The following DNAI4 variants were observed in gnomAD, a reference collection of about 807,000 sequenced individuals.
DNAI4 encodes the protein WD repeat domain 78.
Under a neutral mutation model 105.8 loss-of-function variants are expected in DNAI4, and 85 were observed. The ratio of observed to expected loss-of-function variants is 0.80; its 90% CI spans 0.67 to 0.96. The LOEUF (loss-of-function observed/expected upper bound fraction) is 0.96. Among genes scored for constraint, DNAI4 ranks in the 40% least tolerant of loss-of-function variants. DNAI4 has a pLI of 0.00. For missense variants in DNAI4, 1,014 were observed against 1,005.6 expected (o/e 1.01, Z -0.11); for synonymous variants, 352 against 331.5 (o/e 1.06, Z -0.67).
intron 2 of DNAI4, among the ~76,000 whole-genome samples, chr1:66,901,767 AG>A (rs1557974403): frequency 2.0e-5 from 3 of 152,160 alleles, no homozygotes; most frequent in Non-Finnish European, 4.4e-5. Flanking sequence ...CAAGGTTTGG[AG>A]GAATCACGAT....
At chr1:66,896,675 A>G (rs568681620) in intron 2 of DNAI4, among the ~76,000 whole-genome samples, 5 of 152,234 alleles carry the variant, frequency 3.3e-5, no homozygotes, top group Non-Finnish European at 5.9e-5. Context: ...CAGTTTCCCT[A>G]TCTCTCATAA....
At chr1:66,823,901 C>T (rs1240786789) in intron 15 of DNAI4, among the ~76,000 whole-genome samples, 1 of 150,398 alleles carries the variant, frequency 6.6e-6, no homozygotes, top group African/African-American at 2.4e-5. Context: ...TGTGCAGAAG[C>T]TCTTTAGTTT....
chr1:66,881,225 G>T (rs1213032246), intron 4 of DNAI4, among the ~76,000 whole-genome samples: 3 of 152,250 alleles, frequency 2.0e-5, no homozygotes, highest in Non-Finnish European at 4.4e-5. Flanking sequence ...CCCCCACACA[G>T]AGTCCCTACT....
intron 16 of DNAI4, among the ~76,000 whole-genome samples, chr1:66,821,584 T>G (rs6588221): frequency 0.38 from 58,190 of 152,028 alleles, 11,892 homozygotes; most frequent in South Asian, 0.5. Flanking sequence ...GCTATTAGAA[T>G]TTAATAATAT....
chr1:66,903,553 C>T (rs930691205), intron 2 of DNAI4, among the ~76,000 whole-genome samples: 3 of 152,092 alleles, frequency 2.0e-5, no homozygotes, highest in East Asian at 3.9e-4. Context: ...AGTACAATGG[C>T]GCTCTCTCTG....
intron 7 of DNAI4, among the ~76,000 whole-genome samples, chr1:66,852,269 A>T (rs1198801910): frequency 1.3e-5 from 2 of 151,918 alleles, no homozygotes; most frequent in Non-Finnish European, 2.9e-5. Flanking sequence ...ATCACCAAGC[A>T]TGGATGGTTT....
At chr1:66,850,892 GT>G (rs986701699) in intron 7 of DNAI4, among the ~76,000 whole-genome samples, 6 of 151,806 alleles carry the variant, frequency 4.0e-5, no homozygotes, top group Non-Finnish European at 7.4e-5. Context: ...TAAAAAAAAT[GT>G]TTGGAAAAGC....
chr1:66,865,580 T>G (rs1406647640), intron 6 of DNAI4, among the ~76,000 whole-genome samples: 1 of 152,200 alleles, frequency 6.6e-6, no homozygotes, highest in Non-Finnish European at 1.5e-5. Flanking sequence ...AAATGTAGCC[T>G]TAAATCTGCA....
Position 66,922,629 on chromosome 1 carries a change from A to C in DNAI4, c.170+2033T>G, listed in dbSNP as rs568876278. ...GTATCACAATGTAACACAGTGATTT[A>C]CATGGGAGTGGTAGTCTGGATTTAT... On this transcript the variant is annotated intron_variant, in intron 1 of 16. Coordinates refer to ENST00000371026, the MANE Select transcript of DNAI4 (RefSeq NM_024763.5). Among the ~76,000 whole-genome samples, 8 of 152,330 alleles carry C rather than the reference A, an allele frequency of 5.3e-5. No homozygotes were observed. In the South Asian group the frequency reaches 1.7e-3, roughly 32 times the overall value.
At chr1:66,920,380 A>G (rs969743032) in intron 1 of DNAI4, among the ~76,000 whole-genome samples, 32 of 152,130 alleles carry the variant, frequency 2.1e-4, no homozygotes, top group Non-Finnish European at 4.4e-4. Flanking sequence ...CCTCCTGGAC[A>G]CTGGACAAGA....
At position 66,862,286 on chromosome 1, in the gene DNAI4, G is replaced by A. The variant is rs770221633; in HGVS notation, c.957C>T (p.Ala319=). The A allele has an allele frequency of 5.0e-6, 8 of 1,606,708 alleles. No individual in the cohort carries two copies. Among genetic ancestry groups the A allele is most frequent in the Non-Finnish European group, 6.8e-6 (8 of 1,177,942 alleles). The change falls in exon 7 of 17, where the codon GCC becomes GCT. Residue 319 remains alanine, a synonymous_variant. Transcript: ENST00000371026. ...CATTGTAAGAATCATACAAATCCCA[G>A]GCAGTGGACATTATGCCTAGATAAA... ...IMEDKGIMST[A]WDLYDSYNAM... is the part of the protein sequence containing the mutation.
rs937716407 is a variant in DNAI4 at position 66,890,405 on chromosome 1, T to C, written c.643+749A>G. 4 of 152,404 alleles carry C rather than the reference T, an allele frequency of 2.6e-5. No individual in the cohort carries two copies. The highest frequency in any genetic ancestry group is 9.7e-5 in the African/African-American group (4 of 41,330). The allele number at this position is 152,404 out of a possible 1,614,324, so 9.4% of individuals were successfully genotyped here. On this transcript the variant is annotated intron_variant, in intron 4 of 16. Coordinates refer to ENST00000371026, the MANE Select transcript of DNAI4 (RefSeq NM_024763.5). This position sits in a 1 kb window ranked among gnomAD's most constrained non-coding sequence, Gnocchi z 4.1. Reference sequence around the variant, plus strand: ...TGAGGTCAGAAGTTTGAAACCAGCCTGGCCAACATGATGAAACCCCGTCTC... The same window carrying C: ...TGAGGTCAGAAGTTTGAAACCAGCCCGGCCAACATGATGAAACCCCGTCTC...
intron 4 of DNAI4, among the ~76,000 whole-genome samples, chr1:66,883,951 A>G (rs1342184193): frequency 6.6e-6 from 1 of 152,068 alleles, no homozygotes; most frequent in Non-Finnish European, 1.5e-5. Flanking sequence ...TTCTCCTAAG[A>G]TTTTTCACCC....
At chr1:66,868,404 T>C (rs565838634) in intron 6 of DNAI4, among the ~76,000 whole-genome samples, 1 of 152,342 alleles carries the variant, frequency 6.6e-6, no homozygotes, top group East Asian at 1.9e-4. Context: ...TGGGTGTATC[T>C]GTGAGGGTGT....
At chr1:66,829,716 A>C (rs1244902425) in intron 13 of DNAI4, among the ~76,000 whole-genome samples, 13 of 152,306 alleles carry the variant, frequency 8.5e-5, no homozygotes, top group Admixed American at 2.0e-4. Flanking sequence ...AGCCAATTTA[A>C]CCTGAATGAC....
chr1:66,891,111 A>C (rs1230976985), intron 4 of DNAI4, 43 bp downstream of exon 4: 1 of 1,387,330 alleles, frequency 7.2e-7, no homozygotes, highest in Admixed American at 1.7e-5. Context: ...ATATTGACTA[A>C]ATAACGGACT....
Position 66,924,827 on chromosome 1 carries a change from G to T in DNAI4, c.5C>A (p.Thr2Lys), listed in dbSNP as rs1369509267. M[T>K]PGKHSGASAR... is the part of the protein sequence containing the mutation. ...CGAGGCTCCGGAATGTTTGCCGGGC[G>T]TCATGGCGACGGTGGAGCCCTGGCT... The change falls in exon 1 of 17, where the codon ACG becomes AAG. Residue 2 changes from threonine (T) to lysine (K), a missense_variant. By Grantham distance (78) the Thr-to-Lys change is moderately conservative. Transcript: ENST00000371026. 1.2e-6 allele frequency: 2 copies of T among 1,613,864 alleles called. No homozygotes were observed. The highest frequency in any genetic ancestry group is 1.7e-6 in the Non-Finnish European group (2 of 1,179,954).
At chr1:66,880,729 G>A (rs1647052109) in intron 4 of DNAI4, among the ~76,000 whole-genome samples, 1 of 152,194 alleles carries the variant, frequency 6.6e-6, no homozygotes, top group Non-Finnish European at 1.5e-5. Flanking sequence ...CCCATTTTCT[G>A]AAATGAAATT....
intron 15 of DNAI4, among the ~76,000 whole-genome samples, chr1:66,825,291 T>G (rs980061020): frequency 1.3e-5 from 2 of 148,642 alleles, no homozygotes; most frequent in African/African-American, 2.5e-5. Flanking sequence ...GCCATTCTCC[T>G]GCCTCAGCCT....
Sources: gnomAD v4.1 joint callset for allele counts (sites outside exome capture counted in the v4.1 genomes callset) on GRCh38, gnomAD v4.1.1 for gene constraint, Gnocchi (gnomAD v3.1) non-coding constraint, MANE v1.5 for transcripts, NCBI Gene and HGNC (gene_info 2026-07-23, HGNC 2026-07-21) for gene names.